ZNF74: variants seen among roughly 807,000 people sequenced by gnomAD.
ZNF74 encodes zinc finger protein 520.
Under a neutral mutation model 17.7 loss-of-function variants are expected in ZNF74, and 12 were observed. That is an observed-to-expected ratio of 0.68 (90% CI 0.43 to 1.10). The LOEUF (loss-of-function observed/expected upper bound fraction) is 1.10. Among genes scored for constraint, ZNF74 ranks in the 50% least tolerant of loss-of-function variants. ZNF74 has a pLI of 0.00. For missense variants in ZNF74, 811 were observed against 881.0 expected (o/e 0.92, Z 1.01); for synonymous variants, 358 against 362.1 (o/e 0.99, Z 0.13).
In ZNF74 at chr22:20,398,782, T is replaced by A. The variant is rs562200355; in HGVS notation, c.121-1850T>A. 2.6e-5 allele frequency among the ~76,000 whole-genome samples: 4 copies of A among 151,194 alleles called. No homozygotes were observed. The South Asian group carries it at 8.4e-4, about 32-fold the overall frequency. On this transcript the variant is annotated intron_variant, in intron 2 of 4. Transcript: ENST00000400451. ...GATTGAAACATAGATATTGATTTGATACCTTTTTTCCTCATATAGCATTCA... is the reference window on the plus strand; with the variant it reads ...GATTGAAACATAGATATTGATTTGAAACCTTTTTTCCTCATATAGCATTCA...
chr22:20,401,535 C>T lies in ZNF74; in HGVS notation c.343+163C>T, dbSNP rs1179490659. On this transcript the variant is annotated intron_variant, in intron 4 of 4. Coordinates refer to ENST00000400451, the MANE Select transcript of ZNF74 (RefSeq NM_003426.4). This position sits in a 1 kb window ranked among gnomAD's most constrained non-coding sequence, Gnocchi z 4.2. Reference sequence around the variant, plus strand: ...GCCTCCCTTCAGCACGTACTGAGCACTGCCTGTGTGCTGAGACCTGTTCTG... The same window carrying T: ...GCCTCCCTTCAGCACGTACTGAGCATTGCCTGTGTGCTGAGACCTGTTCTG... Among the ~76,000 whole-genome samples, 1 of 152,234 alleles carries T rather than the reference C, an allele frequency of 6.6e-6. No individual in the cohort carries two copies. The highest frequency in any genetic ancestry group is 1.5e-5 in the Non-Finnish European group (1 of 68,044).
chr22:20,406,004 G>C lies in ZNF74; in HGVS notation c.971G>C (p.Arg324Pro). The C allele has an allele frequency of 6.2e-7, 1 of 1,613,416 alleles. No homozygotes were observed. The highest frequency in any genetic ancestry group is 8.5e-7 in the Non-Finnish European group (1 of 1,179,836). Residue 324 changes from arginine (R) to proline (P), a missense_variant, in exon 5 of 5, where the codon CGC becomes CCC. Physicochemically the swap from Arg to Pro is moderately radical, Grantham distance 103 (BLOSUM62 -2). This residue lies in a region of ZNF74 where 666 missense variants were observed against 702.3 expected (regional missense o/e 0.95). Coordinates refer to ENST00000400451, the MANE Select transcript of ZNF74 (RefSeq NM_003426.4). The stretch of plus-strand genomic sequence containing the variant: ...CACTCGTCCCTCAACGTGCACCAGC[G>C]CATCCACACGGGCGAGCGGCCCTAC... The part of the protein sequence containing the change: ...SCHSSLNVHQ[R>P]IHTGERPYKC...
chr22:20,400,319 A>T, intron 2 of ZNF74: 1 of 309,418 alleles, frequency 3.2e-6, no homozygotes, highest in Non-Finnish European at 6.1e-6. Flanking sequence ...CTCACCCAGG[A>T]CTTAGAGCCT....
intron 4 of ZNF74, among the ~76,000 whole-genome samples, chr22:20,402,098 A>C (rs560840368): frequency 7.9e-5 from 12 of 152,304 alleles, no homozygotes; most frequent in African/African-American, 2.6e-4. Context: ...TTGGACAGTG[A>C]CTGCTGAGCA....
At chr22:20,396,068 G>A (rs777065733) in intron 2 of ZNF74, among the ~76,000 whole-genome samples, 18 of 151,840 alleles carry the variant, frequency 1.2e-4, no homozygotes, top group South Asian at 4.2e-4. Flanking sequence ...TTTTTCTACC[G>A]CAACCACCTC....
intron 2 of ZNF74, among the ~76,000 whole-genome samples, chr22:20,398,392 A>G (rs373584087): frequency 6.6e-6 from 1 of 151,278 alleles, no homozygotes; most frequent in African/African-American, 2.4e-5. Context: ...GGTGAGGGGT[A>G]TACATTTCAT....
In ZNF74 at chr22:20,407,894, T is replaced by G. The variant is rs2052450638; in HGVS notation, c.*926T>G. The G allele has an allele frequency of 6.6e-6, 1 of 152,318 alleles. No individual in the cohort carries two copies. The highest frequency in any genetic ancestry group is 2.4e-5 in the African/African-American group (1 of 41,566). 9.4% of individuals were successfully genotyped at this position (152,318 alleles called of 1,614,324 possible). ...CAGATCCTAACATGCCAACATCACCTCTTGCCATTTAGCCCCTAGTGAGAA... is the reference window on the plus strand; with the variant it reads ...CAGATCCTAACATGCCAACATCACCGCTTGCCATTTAGCCCCTAGTGAGAA... On this transcript the variant is annotated 3_prime_UTR_variant, in exon 5 of 5. Transcript: ENST00000400451.
rs1161321896 is a variant in ZNF74, at chr22:20,394,654, A to G, written c.26A>G (p.Glu9Gly). ...ATGGAGATCCCTGCCCCGGAGCCCGAGAAGACAGGTACAGCTTCACTCTTG... is the reference window on the plus strand; with the variant it reads ...ATGGAGATCCCTGCCCCGGAGCCCGGGAAGACAGGTACAGCTTCACTCTTG... The part of the protein sequence containing the change: MEIPAPEP[E>G]KTALSSQDPA... Residue 9 changes from glutamate to glycine, a missense_variant, in exon 1 of 5, where the codon GAG becomes GGG. By Grantham distance (98) the Glu-to-Gly change is moderately conservative. Transcript: ENST00000400451. 140 of 1,613,972 alleles carry G rather than the reference A, an allele frequency of 8.7e-5. No individual in the cohort carries two copies. Among genetic ancestry groups the G allele is most frequent in the Non-Finnish European group, 1.2e-4 (136 of 1,180,026 alleles).
At position 20,401,702 on chromosome 22, in the gene ZNF74, G is replaced by A. The variant is rs1327655615; in HGVS notation, c.343+330G>A. 2.0e-5 allele frequency among the ~76,000 whole-genome samples: 3 copies of A among 152,180 alleles called. No individual in the cohort carries two copies. Among genetic ancestry groups the A allele is most frequent in the African/African-American group, 7.2e-5 (3 of 41,436 alleles). On this transcript the variant is annotated intron_variant, in intron 4 of 4. Transcript: ENST00000400451. The surrounding 1 kb of genome is among the most constrained non-coding windows in gnomAD (Gnocchi z 4.2). ...GGGATTGGGGGCAGGGGGCCACCAG[G>A]GAAGGGGCAGCTGGCGTTGGTCAGT... is the stretch of plus-strand genomic sequence containing the variant.
chr22:20,395,702 G>A (rs945859705), intron 2 of ZNF74, among the ~76,000 whole-genome samples: 36 of 152,204 alleles, frequency 2.4e-4, no homozygotes, highest in African/African-American at 8.7e-4. Context: ...AGTGGTTTTA[G>A]TGGAATCTGA....
rs1421363379 is a variant in ZNF74, at chr22:20,406,793, AG to A, written c.1761del (p.Gln587HisfsTer24). On this transcript the variant is annotated frameshift_variant, in exon 5 of 5. Transcript: ENST00000400451. LOFTEE classifies it low-confidence loss of function (END_TRUNC). Reference protein sequence around the residue: ...LHSEGKPLAIQFNKHLLSTYY... With the variant: ...LHSEGKPLAIXFNKHLLSTYY... ...AGCGAGGGGAAGCCCTTGGCCATCCAGTTCAACAAACACCTGCTCAGCACAT... is the reference window on the plus strand; with the variant it reads ...AGCGAGGGGAAGCCCTTGGCCATCCATTCAACAAACACCTGCTCAGCACAT... The A allele has an allele frequency of 1.9e-6, 3 of 1,614,144 alleles. No individual in the cohort carries two copies. Among genetic ancestry groups the A allele is most frequent in the Non-Finnish European group, 2.5e-6 (3 of 1,180,038 alleles).
Position 20,394,185 on chromosome 22 carries a change from A to G in ZNF74, c.-444A>G, listed in dbSNP as rs2146086420. 1.6e-6 allele frequency: 1 copy of G among 644,186 alleles called. No homozygotes were observed. Among genetic ancestry groups the G allele is most frequent in the Non-Finnish European group, 2.8e-6 (1 of 352,558 alleles). The allele number at this position is 644,186 out of a possible 1,614,324, so 39.9% of individuals were successfully genotyped here. A position where few individuals can be genotyped will look rare whatever the true frequency, so the allele number is the denominator to read the frequency against. On this transcript the variant is annotated 5_prime_UTR_variant, in exon 1 of 5. Coordinates refer to ENST00000400451, the MANE Select transcript of ZNF74 (RefSeq NM_003426.4). ...GCCTGCTGCTCTTTGTGGCAGTCGC[A>G]GTCCTTTTGTGGGAGTCCGGTCTGT...
Position 20,406,336 on chromosome 22 carries a change from C to T in ZNF74, c.1303C>T (p.Gln435Ter). Residue 435 changes from glutamine to a stop codon, truncating the protein, a stop_gained, in exon 5 of 5, where the codon CAG becomes TAG. Coordinates refer to ENST00000400451, the MANE Select transcript of ZNF74 (RefSeq NM_003426.4). LOFTEE classifies it low-confidence loss of function (END_TRUNC). Reference sequence around the variant, plus strand: ...CAGCCGCTCGCGCCTCACCCTCCACCAGAGGACGCACACGGGCGAGAAGCC... The same window carrying T: ...CAGCCGCTCGCGCCTCACCCTCCACTAGAGGACGCACACGGGCGAGAAGCC... ...FNSRSRLTLH[Q>*]RTHTGEKPFK... 6.2e-7 allele frequency: 1 copy of T among 1,612,960 alleles called. No individual in the cohort carries two copies. Among genetic ancestry groups the T allele is most frequent in the Non-Finnish European group, 8.5e-7 (1 of 1,179,922 alleles).
intron 2 of ZNF74, chr22:20,399,426 C>T: frequency 1.0e-5 from 2 of 195,298 alleles, no homozygotes; most frequent in African/African-American, 2.4e-5. Flanking sequence ...TTTTTCTATC[C>T]TATCACTTTT....
In ZNF74 at chr22:20,406,839, G is replaced by GC; in HGVS notation, c.1807dup (p.Leu603ProfsTer45). On this transcript the variant is annotated frameshift_variant, in exon 5 of 5. Coordinates refer to ENST00000400451, the MANE Select transcript of ZNF74 (RefSeq NM_003426.4). LOFTEE classifies it low-confidence loss of function (END_TRUNC). ...GCACATACTACGTGCCTGGCAGCCT[G>GC]CTGGGTGCAGGGGATGCTGGACTGA... is the stretch of plus-strand genomic sequence containing the variant. 10 of 1,614,098 alleles carry GC rather than the reference G, an allele frequency of 6.2e-6. No homozygotes were observed. The highest frequency in any genetic ancestry group is 5.9e-6 in the Non-Finnish European group (7 of 1,180,042).
rs1158592921 is a variant in ZNF74 at position 20,406,443 on chromosome 22, G to A, written c.1410G>A (p.Lys470=). The A allele has an allele frequency of 3.1e-6, 5 of 1,614,048 alleles. No homozygotes were observed. Among genetic ancestry groups the A allele is most frequent in the East Asian group, 2.2e-5 (1 of 44,870 alleles). ...LVHRRIHSGE[K]PFKCNECGKA... Reference sequence around the variant, plus strand: ...ACCGGCGCATCCACAGCGGCGAGAAGCCCTTCAAGTGCAACGAGTGCGGCA... The same window carrying A: ...ACCGGCGCATCCACAGCGGCGAGAAACCCTTCAAGTGCAACGAGTGCGGCA... Residue 470 remains lysine (K), a synonymous_variant, in exon 5 of 5, where the codon AAG becomes AAA. Coordinates refer to ENST00000400451, the MANE Select transcript of ZNF74 (RefSeq NM_003426.4).
At chr22:20,395,220 C>A in intron 1 of ZNF74, 113 bp from the exon 2 acceptor site, 1 of 736,110 alleles carries the variant, frequency 1.4e-6, no homozygotes, top group Non-Finnish European at 2.3e-6. Flanking sequence ...CCCACCTGGC[C>A]TTGCTGGCAG....
At chr22:20,403,926 C>T (rs1316414456) in intron 4 of ZNF74, among the ~76,000 whole-genome samples, 6 of 152,208 alleles carry the variant, frequency 3.9e-5, no homozygotes, top group East Asian at 1.9e-4. Context: ...CCTGCCTCTG[C>T]GTGTCTTGTC....
chr22:20,405,730 C>T lies in ZNF74; in HGVS notation c.697C>T (p.Pro233Ser), dbSNP rs758699239. 6.2e-7 allele frequency: 1 copy of T among 1,603,472 alleles called. No individual in the cohort carries two copies. The change falls in exon 5 of 5, where the codon CCC (proline) becomes TCC (serine). Residue 233 changes from proline (P) to serine (S), a missense_variant. Physicochemically the swap from Pro to Ser is moderately conservative, Grantham distance 74 (BLOSUM62 -1). Around this residue, in one of 3 missense-constraint regions of ZNF74, gnomAD observed 666 missense variants for 702.3 expected, o/e 0.95. Coordinates refer to ENST00000400451, the MANE Select transcript of ZNF74 (RefSeq NM_003426.4). The part of the protein sequence containing the change: ...ASTPSEPEKF[P>S]QVRRQRGAGA... ...CACGCCAAGTGAGCCAGAAAAGTTC[C>T]CCCAGGTGCGCCGGCAGCGCGGGGC...
Sources: allele counts gnomAD v4.1 joint callset (sites outside exome capture counted in the v4.1 genomes callset), GRCh38; gene constraint gnomAD v4.1.1; regional missense constraint gnomAD v4.1.1; non-coding constraint Gnocchi (gnomAD v3.1); transcripts MANE v1.5; gene names NCBI Gene and HGNC (gene_info 2026-07-23, HGNC 2026-07-21).